MYH9: variants seen among roughly 807,000 people sequenced by gnomAD.
The protein encoded by MYH9 is myosin heavy chain 9.
In MYH9, 29 loss-of-function variants were observed where a neutral mutation model predicts 241.9. That is an observed-to-expected ratio of 0.12 (90% CI 0.09 to 0.16). The LOEUF is 0.16. Ranked by LOEUF, MYH9 falls within the 10% of genes least tolerant of loss-of-function variation. The probability of loss-of-function intolerance (pLI) is 1.00; values close to 1 mark genes in which losing one functional copy is unlikely to be tolerated. For missense variants in MYH9, 1,803 were observed against 2,595.5 expected (o/e 0.69, Z 6.63); for synonymous variants, 1,047 against 1,062.6 (o/e 0.99, Z 0.29).
At chr22:36,309,489 A>C in intron 14 of MYH9, 93 bp from the exon 15 acceptor site, 1 of 898,478 alleles carries the variant, frequency 1.1e-6, no homozygotes, top group Non-Finnish European at 1.9e-6. Flanking sequence ...CATGCATGGA[A>C]AAGTCAGAAA....
chr22:36,383,672 G>A (rs1215416460), intron 1 of MYH9, among the ~76,000 whole-genome samples: 1 of 151,784 alleles, frequency 6.6e-6, no homozygotes, highest in East Asian at 1.9e-4. Flanking sequence ...AAAAGGGGGG[G>A]GGGTGCCAGG....
At chr22:36,325,718 A>G (rs2017325893) in intron 5 of MYH9, among the ~76,000 whole-genome samples, 1 of 152,230 alleles carries the variant, frequency 6.6e-6, no homozygotes, top group Non-Finnish European at 1.5e-5. Context: ...CGCATGGGAC[A>G]TGACAGCTAT....
chr22:36,300,369 C>T lies in MYH9; in HGVS notation c.2839-105G>A. 1 of 1,530,900 alleles carries T rather than the reference C, an allele frequency of 6.5e-7. No homozygotes were observed. 94.8% of individuals were successfully genotyped at this position (1,530,900 alleles called of 1,614,324 possible). ...GATCCAAACGCCAAGGAGAAAATAG[C>T]AAGGTCTGTGAGCCCAGGGCCATGG... is the stretch of plus-strand genomic sequence containing the variant. On this transcript the variant is annotated intron_variant, in intron 22 of 40. Coordinates refer to ENST00000216181, the MANE Select transcript of MYH9 (RefSeq NM_002473.6). The surrounding 1 kb of genome is among the most constrained non-coding windows in gnomAD (Gnocchi z 5.0).
At chr22:36,327,789 C>A (rs1263015044) in intron 3 of MYH9, among the ~76,000 whole-genome samples, 1 of 152,226 alleles carries the variant, frequency 6.6e-6, no homozygotes, top group Non-Finnish European at 1.5e-5. Context: ...GTGGAAAACT[C>A]TCCAGGAGTC....
At chr22:36,335,661 G>A (rs988791956) in intron 3 of MYH9, among the ~76,000 whole-genome samples, 3 of 152,232 alleles carry the variant, frequency 2.0e-5, no homozygotes, top group Non-Finnish European at 4.4e-5. Context: ...GAAGGAAAGA[G>A]AGGGCCTCTC....
chr22:36,340,894 C>A (rs2017576503), intron 3 of MYH9, among the ~76,000 whole-genome samples: 1 of 151,956 alleles, frequency 6.6e-6, no homozygotes, highest in African/African-American at 2.4e-5. Flanking sequence ...AGCTTCACTG[C>A]GATGGAACAG....
chr22:36,297,580 C>T (rs1482702252), intron 24 of MYH9, among the ~76,000 whole-genome samples: 3 of 152,182 alleles, frequency 2.0e-5, no homozygotes, highest in Non-Finnish European at 4.4e-5. Context: ...ATGGTTATTC[C>T]CTGCCGTGCC....
chr22:36,365,503 G>A (rs1380345963), intron 1 of MYH9, among the ~76,000 whole-genome samples: 1 of 151,832 alleles, frequency 6.6e-6, no homozygotes, highest in Non-Finnish European at 1.5e-5. Flanking sequence ...GAGTCTCACC[G>A]TCGCCCAGGC....
intron 1 of MYH9, among the ~76,000 whole-genome samples, chr22:36,350,885 C>CT (rs982613063): frequency 6.6e-6 from 1 of 152,170 alleles, no homozygotes; most frequent in African/African-American, 2.4e-5. Flanking sequence ...GCCCAGCTCC[C>CT]GCTGGGAAAT....
chr22:36,347,257 T>C (rs763532180), intron 2 of MYH9, among the ~76,000 whole-genome samples: 1 of 152,034 alleles, frequency 6.6e-6, no homozygotes, highest in South Asian at 2.1e-4. Flanking sequence ...ATCTGCTGCA[T>C]GTGCTGGCCC....
At position 36,293,273 on chromosome 22, in the gene MYH9, C is replaced by G; in HGVS notation, c.4095+56G>C. On this transcript the variant is annotated intron_variant, in intron 30 of 40. Coordinates refer to ENST00000216181, the MANE Select transcript of MYH9 (RefSeq NM_002473.6). This position sits in a 1 kb window ranked among gnomAD's most constrained non-coding sequence, Gnocchi z 5.1. ...CTGTCCTGCAGTGCCCAGGCCAGTGCCCGGCCAGCAGCTCCCCAGCCTGCA... is the reference window on the plus strand; with the variant it reads ...CTGTCCTGCAGTGCCCAGGCCAGTGGCCGGCCAGCAGCTCCCCAGCCTGCA... 1 of 1,608,984 alleles carries G rather than the reference C, an allele frequency of 6.2e-7. No homozygotes were observed. Among genetic ancestry groups the G allele is most frequent in the South Asian group, 1.1e-5 (1 of 90,956 alleles).
intron 12 of MYH9, among the ~76,000 whole-genome samples, chr22:36,314,926 G>A (rs992211260): frequency 6.6e-6 from 1 of 152,154 alleles, no homozygotes; most frequent in African/African-American, 2.4e-5. Flanking sequence ...TGGGACTACA[G>A]GTGTGAGCCA....
At chr22:36,349,292 A>T in intron 1 of MYH9, 37 bp from the exon 2 acceptor site, 1 of 1,488,932 alleles carries the variant, frequency 6.7e-7, no homozygotes, top group Non-Finnish European at 9.3e-7. Context: ...ATTACATACA[A>T]CTACGTCAGC....
intron 1 of MYH9, among the ~76,000 whole-genome samples, chr22:36,380,655 C>T (rs1001752833): frequency 2.6e-5 from 4 of 152,110 alleles, no homozygotes; most frequent in East Asian, 1.9e-4. Context: ...GCAGGAGAAT[C>T]GCTTGAACCT....
intron 1 of MYH9, among the ~76,000 whole-genome samples, chr22:36,381,362 A>C (rs895659882): frequency 2.6e-5 from 4 of 151,826 alleles, no homozygotes; most frequent in African/African-American, 7.3e-5. Context: ...TAAAAATACA[A>C]AAAAATTAGC....
chr22:36,291,214 A>T (rs1015055244), intron 31 of MYH9, among the ~76,000 whole-genome samples: 6 of 152,122 alleles, frequency 3.9e-5, no homozygotes, highest in African/African-American at 1.4e-4. Flanking sequence ...CCATGATGAC[A>T]ATGGCGGTTT....
Position 36,293,552 on chromosome 22 carries a change from TGAG to T in MYH9, c.3943-74_3943-72del. 2.5e-6 allele frequency: 4 copies of T among 1,588,644 alleles called. No homozygotes were observed. The highest frequency in any genetic ancestry group is 3.4e-6 in the Non-Finnish European group (4 of 1,165,414). On this transcript the variant is annotated intron_variant, in intron 29 of 40. Coordinates refer to ENST00000216181, the MANE Select transcript of MYH9 (RefSeq NM_002473.6). This position sits in a 1 kb window ranked among gnomAD's most constrained non-coding sequence, Gnocchi z 5.1. ...CCAAAACCCAGGAACCCCACACCCT[TGAG>T]GAGAGGGAGGAGCTGGTCCTGCTGA...
chr22:36,308,688 T>G, intron 15 of MYH9: 5 of 407,658 alleles, frequency 1.2e-5, no homozygotes, highest in South Asian at 1.1e-4. Context: ...GGAACGGGGG[T>G]GTAAGCAGGC....
rs149872920 is a variant in MYH9, at chr22:36,326,734, C to T, written c.519-73G>A. ...TTGACCTCTGTCCCTTCCCACTGCA[C>T]GCTCCACTGCCTCGCATTCTGTTGG... is the stretch of plus-strand genomic sequence containing the variant. On this transcript the variant is annotated intron_variant, in intron 4 of 40. Transcript: ENST00000216181. The T allele has an allele frequency of 1.2e-4, 148 of 1,263,312 alleles. 2 individuals are homozygous for T. The highest frequency in any genetic ancestry group is 1.1e-3 in the Middle Eastern group (6 of 5,426). 78.3% of individuals were successfully genotyped at this position (1,263,312 alleles called of 1,614,324 possible).
Sources: gnomAD v4.1 joint callset for allele counts (sites outside exome capture counted in the v4.1 genomes callset) on GRCh38, gnomAD v4.1.1 for gene constraint, Gnocchi (gnomAD v3.1) non-coding constraint, MANE v1.5 for transcripts, NCBI Gene and HGNC (gene_info 2026-07-23, HGNC 2026-07-21) for gene names.